Variants in PTPN13 observed in about 807,000 individuals in gnomAD.
The protein encoded by PTPN13 is protein tyrosine phosphatase non-receptor type 13, also known as tyrosine-protein phosphatase non-receptor type 13.
A neutral mutation model predicts 284.0 loss-of-function variants in PTPN13; 191 were observed. That is an observed-to-expected ratio of 0.67 (90% confidence interval 0.60 to 0.76). The LOEUF is 0.76. Among genes scored for constraint, PTPN13 ranks in the 30% least tolerant of loss-of-function variants. The probability of loss-of-function intolerance (pLI) is 0.00; values close to 1 mark genes in which losing one functional copy is unlikely to be tolerated. For synonymous variants in PTPN13, 986 were observed against 1,022.3 expected, an observed-to-expected ratio of 0.96 and a Z score of 0.68; for missense variants, 2,797 against 2,939.9, an observed-to-expected ratio of 0.95 and a Z score of 1.12.
rs556340144 is a variant in PTPN13, at chr4:86,642,024, C to T, written c.115+6653C>T. On this transcript the variant is annotated intron_variant, in intron 2 of 47. Coordinates refer to ENST00000411767, the MANE Select transcript of PTPN13 (RefSeq NM_080683.3). ...GTCTTCTTCTGTAGTTACATATTTT[C>T]GCAATTTTGTGTGATACATGTGATG... 3.3e-5 allele frequency among the ~76,000 whole-genome samples: 5 copies of T among 152,106 alleles called. No individual in the cohort carries two copies. The East Asian group carries it at 5.8e-4, about 18-fold the overall frequency.
intron 2 of PTPN13, among the ~76,000 whole-genome samples, chr4:86,656,754 TCAGA>T (rs1329593946): frequency 2.6e-5 from 4 of 152,232 alleles, no homozygotes. Context: ...TTCAAAGCTG[TCAGA>T]CAGGGACATT....
At chr4:86,701,940 C>CT in intron 7 of PTPN13, 139 bp downstream of exon 7, 1 of 748,330 alleles carries the variant, frequency 1.3e-6, no homozygotes, top group Non-Finnish European at 2.1e-6. Flanking sequence ...TCTTACTTCT[C>CT]TGTCAATTTC....
intron 3 of PTPN13, among the ~76,000 whole-genome samples, chr4:86,677,263 T>C (rs1728383498): frequency 6.6e-6 from 1 of 150,528 alleles, no homozygotes; most frequent in South Asian, 2.1e-4. Context: ...CAAGACTCTG[T>C]CTCAAAAAAC....
chr4:86,654,146 G>C (rs1186982959), intron 2 of PTPN13, among the ~76,000 whole-genome samples: 2 of 152,134 alleles, frequency 1.3e-5, no homozygotes, highest in East Asian at 3.8e-4. Flanking sequence ...TCAAAAGCTA[G>C]CAGAAGGCAA....
rs936834999 is a variant in PTPN13, at chr4:86,614,149, G to A, written c.-6+19360G>A. Among the ~76,000 whole-genome samples, 3 of 152,114 alleles carry A rather than the reference G, an allele frequency of 2.0e-5. No individual in the cohort carries two copies. The South Asian group carries it at 6.2e-4, about 32-fold the overall frequency. Reference sequence around the variant, plus strand: ...AGCAACTTTTTCAGTATATAGGGTAGTTTTGTTGTAATATACAAGACGGAT... The same window carrying A: ...AGCAACTTTTTCAGTATATAGGGTAATTTTGTTGTAATATACAAGACGGAT... On this transcript the variant is annotated intron_variant, in intron 1 of 47. Transcript: ENST00000411767.
intron 40 of PTPN13, among the ~76,000 whole-genome samples, chr4:86,792,155 A>C (rs552364212): frequency 6.6e-6 from 1 of 152,354 alleles, no homozygotes; most frequent in South Asian, 2.1e-4. Flanking sequence ...AGTGTAGAGA[A>C]GACCTTAAAT....
chr4:86,668,413 A>G (rs1252939172), intron 2 of PTPN13, among the ~76,000 whole-genome samples: 1 of 152,122 alleles, frequency 6.6e-6, no homozygotes. Flanking sequence ...CTTTAAAATT[A>G]TTTTAAAATA....
intron 7 of PTPN13, among the ~76,000 whole-genome samples, chr4:86,702,289 G>T (rs528258168): frequency 2.6e-5 from 4 of 152,272 alleles, no homozygotes; most frequent in African/African-American, 9.6e-5. Flanking sequence ...AATTTTGGGG[G>T]CACAACTGTA....
At chr4:86,722,963 A>G (rs557426544) in intron 10 of PTPN13, among the ~76,000 whole-genome samples, 112 of 152,282 alleles carry the variant, frequency 7.4e-4, no homozygotes, top group African/African-American at 2.5e-3. Context: ...GGAAGGACCA[A>G]GTCTGTATCT....
Position 86,771,307 on chromosome 4 carries a change from C to A in PTPN13, c.4940C>A (p.Ser1647Tyr), listed in dbSNP as rs758878841. 9 of 1,601,486 alleles carry A rather than the reference C, an allele frequency of 5.6e-6. No individual in the cohort carries two copies. Among genetic ancestry groups the A allele is most frequent in the African/African-American group, 4.0e-5 (3 of 74,706 alleles). Residue 1647 changes from serine (S) to tyrosine (Y), a missense_variant, in exon 31 of 48, where the codon TCC becomes TAC. Transcript: ENST00000411767. ...AGCAAAAAACAGTGCAAGTCCCCAT[C>A]CAGAAGAGACAGTTACAGTGACAGC... ...DKSKKQCKSPSRRDSYSDSSG... is the reference protein window; with the variant it reads ...DKSKKQCKSPYRRDSYSDSSG...
chr4:86,595,384 A>G (rs1453251268), intron 1 of PTPN13, among the ~76,000 whole-genome samples: 1 of 151,978 alleles, frequency 6.6e-6, no homozygotes, highest in African/African-American at 2.4e-5. Flanking sequence ...CCGGCCCCCT[A>G]GCCCCACCGC....
At chr4:86,663,570 T>C (rs1726753357) in intron 2 of PTPN13, among the ~76,000 whole-genome samples, 1 of 152,184 alleles carries the variant, frequency 6.6e-6, no homozygotes, top group South Asian at 2.1e-4. Flanking sequence ...ACCTTCCTGC[T>C]TCCGTGGTTT....
intron 6 of PTPN13, among the ~76,000 whole-genome samples, chr4:86,697,181 T>C (rs945517791): frequency 6.6e-6 from 1 of 152,132 alleles, no homozygotes; most frequent in Admixed American, 6.5e-5. Context: ...CAGTGGTCAA[T>C]TGCAGCAAAG....
In PTPN13 at chr4:86,701,754, A is replaced by T; in HGVS notation, c.1148A>T (p.Glu383Val). 2 of 1,613,392 alleles carry T rather than the reference A, an allele frequency of 1.2e-6. No individual in the cohort carries two copies. The highest frequency in any genetic ancestry group is 8.5e-7 in the Non-Finnish European group (1 of 1,179,612). The change falls in exon 7 of 48, where the codon GAG becomes GTG. Residue 383 changes from glutamate to valine, a missense_variant. By Grantham distance (121) the Glu-to-Val change is moderately radical (BLOSUM62 -2). Coordinates refer to ENST00000411767, the MANE Select transcript of PTPN13 (RefSeq NM_080683.3). The part of the protein sequence containing the change: ...AISSALDRIR[E>V]RQKKLQVLRE... ...TCAAGTGCTTTGGACCGAATCCGAG[A>T]GAGACAAAAGAAACTTCAGGTTCTG...
intron 37 of PTPN13, among the ~76,000 whole-genome samples, chr4:86,783,667 ATTCTATTGCATCTACCATGTGTACTTTTT>A (rs1257638505): frequency 6.6e-6 from 1 of 152,090 alleles, no homozygotes; most frequent in Non-Finnish European, 1.5e-5. Context: ...ATTTTTTAAA[ATTCTATTGCATCTACCATGTGTACTTTTT>A]ATCTTAATAG....
At chr4:86,736,953 A>G (rs1416902330) in intron 15 of PTPN13, among the ~76,000 whole-genome samples, 5 of 152,244 alleles carry the variant, frequency 3.3e-5, no homozygotes, top group Non-Finnish European at 5.9e-5. Flanking sequence ...ACAACCTTCT[A>G]AGGCTACACT....
chr4:86,689,699 C>T lies in PTPN13; in HGVS notation c.546+509C>T, dbSNP rs189889533. Reference sequence around the variant, plus strand: ...GTATCCAGGGAATCCATGCTTGTATCCCTGCCAGATTTCCCCAAGACCTGG... The same window carrying T: ...GTATCCAGGGAATCCATGCTTGTATTCCTGCCAGATTTCCCCAAGACCTGG... On this transcript the variant is annotated intron_variant, in intron 5 of 47. Coordinates refer to ENST00000411767, the MANE Select transcript of PTPN13 (RefSeq NM_080683.3). The T allele has an allele frequency of 3.0e-5, 21 of 702,478 alleles. No homozygotes were observed. In the African/African-American group the frequency reaches 3.3e-4, roughly 11 times the overall value. 43.5% of individuals were successfully genotyped at this position (702,478 alleles called of 1,614,324 possible). A position where few individuals can be genotyped will look rare whatever the true frequency, so the allele number is the denominator to read the frequency against.
At chr4:86,717,631 G>C (rs1447621126) in intron 9 of PTPN13, among the ~76,000 whole-genome samples, 1 of 151,816 alleles carries the variant, frequency 6.6e-6, no homozygotes, top group Non-Finnish European at 1.5e-5. Flanking sequence ...AATCATGATT[G>C]GCTCTAATTA....
chr4:86,768,709 CTTTTTTTTT>C (rs774501203), intron 28 of PTPN13, among the ~76,000 whole-genome samples: 15 of 130,432 alleles, frequency 1.2e-4, no homozygotes, highest in African/African-American at 4.0e-4. Context: ...TTTCTTCCAT[CTTTTTTTTT>C]TTTTTTTTTT....
Sources: allele counts gnomAD v4.1 joint callset (sites outside exome capture counted in the v4.1 genomes callset), GRCh38; gene constraint gnomAD v4.1.1; transcripts MANE v1.5; gene names NCBI Gene and HGNC (gene_info 2026-07-23, HGNC 2026-07-21).